The following TAF4B variants were observed in gnomAD, a reference collection of about 807,000 sequenced individuals.
TAF4B encodes the protein transcription initiation factor TFIID subunit 4B.
TAF4B carries 38 observed loss-of-function variants against 86.4 expected under a neutral mutation model. That is an observed-to-expected ratio of 0.44 (90% CI 0.34 to 0.58). The LOEUF (loss-of-function observed/expected upper bound fraction) is 0.58, where lower values mean the gene tolerates loss of function less well. Among genes scored for constraint, TAF4B ranks in the 20% least tolerant of loss-of-function variants. The pLI is 0.02. For synonymous variants in TAF4B, 388 were observed against 391.2 expected, an observed-to-expected ratio of 0.99 and a Z score of 0.10; for missense variants, 988 against 1,027.6, an observed-to-expected ratio of 0.96 and a Z score of 0.53.
chr18:26,301,376 TTC>T (rs996258695), intron 9 of TAF4B, among the ~76,000 whole-genome samples: 4 of 151,038 alleles, frequency 2.6e-5, no homozygotes, highest in African/African-American at 9.7e-5. Context: ...AGCCTTGAAC[TTC>T]TAGGCTCCAG....
At chr18:26,385,003 C>T (rs889892913) in intron 14 of TAF4B, among the ~76,000 whole-genome samples, 2 of 152,124 alleles carry the variant, frequency 1.3e-5, no homozygotes, top group Admixed American at 6.6e-5. Flanking sequence ...AGAACGTAGA[C>T]TAGCATGAAG....
chr18:26,286,429 A>G lies in TAF4B; in HGVS notation c.1520A>G (p.Lys507Arg), dbSNP rs774185026. 27 of 1,614,044 alleles carry G rather than the reference A, an allele frequency of 1.7e-5. No individual in the cohort carries two copies. Among genetic ancestry groups the G allele is most frequent in the South Asian group, 1.3e-4 (12 of 91,066 alleles). Residue 507 changes from lysine to arginine, a missense_variant, in exon 7 of 15, where the codon AAA (lysine) becomes AGA (arginine). Physicochemically the swap from Lys to Arg is conservative, Grantham distance 26. Coordinates refer to ENST00000269142, the MANE Select transcript of TAF4B (RefSeq NM_005640.3). ...KPVIGTPVQIKLAQPGPVLSQ... is the reference protein window; with the variant it reads ...KPVIGTPVQIRLAQPGPVLSQ... ...GTTATTGGGACTCCAGTTCAAATCAAACTTGCCCAGCCGGGCCCTGTCCTT... is the reference window on the plus strand; with the variant it reads ...GTTATTGGGACTCCAGTTCAAATCAGACTTGCCCAGCCGGGCCCTGTCCTT...
At chr18:26,377,042 G>A (rs910876047) in intron 14 of TAF4B, among the ~76,000 whole-genome samples, 3 of 151,912 alleles carry the variant, frequency 2.0e-5, no homozygotes, top group African/African-American at 7.3e-5. Context: ...GGTTATTGGT[G>A]TATAGCACTT....
intron 11 of TAF4B, among the ~76,000 whole-genome samples, chr18:26,324,953 A>G (rs1414942745): frequency 6.6e-6 from 1 of 152,176 alleles, no homozygotes; most frequent in African/African-American, 2.4e-5. Flanking sequence ...TTTTATCTGT[A>G]CAGTGTAGGA....
chr18:26,270,656 GTGAAT>G (rs2056301335), intron 3 of TAF4B, among the ~76,000 whole-genome samples: 1 of 152,178 alleles, frequency 6.6e-6, no homozygotes, highest in African/African-American at 2.4e-5. Context: ...CCTGGAGCCT[GTGAAT>G]TCAGGTGAAG....
At chr18:26,363,418 C>T (rs1013291842) in intron 14 of TAF4B, among the ~76,000 whole-genome samples, 5 of 147,522 alleles carry the variant, frequency 3.4e-5, no homozygotes, top group African/African-American at 1.3e-4. Flanking sequence ...TGGTGGTGTG[C>T]GCCTGTAGTT....
intron 1 of TAF4B, chr18:26,255,944 G>T: frequency 7.7e-7 from 1 of 1,306,886 alleles, no homozygotes; most frequent in South Asian, 1.2e-5. Context: ...CATCTGACTG[G>T]TTACTGTAAC....
chr18:26,270,847 A>G (rs1032974223), intron 3 of TAF4B, among the ~76,000 whole-genome samples: 6 of 47,590 alleles, frequency 1.3e-4, no homozygotes, highest in African/African-American at 2.1e-4. Flanking sequence ...GGAGTATTAC[A>G]TTGTGTTAGT....
chr18:26,315,804 C>T (rs915874163), intron 10 of TAF4B, among the ~76,000 whole-genome samples: 9 of 152,046 alleles, frequency 5.9e-5, no homozygotes, highest in Admixed American at 5.9e-4. Context: ...CTTTTCTTAA[C>T]CTTGAAGTTT....
At chr18:26,322,336 T>G (rs2056969537) in intron 11 of TAF4B, among the ~76,000 whole-genome samples, 2 of 152,120 alleles carry the variant, frequency 1.3e-5, no homozygotes, top group Non-Finnish European at 2.9e-5. Flanking sequence ...GGTCCTCACT[T>G]GCATAAATCT....
intron 14 of TAF4B, among the ~76,000 whole-genome samples, chr18:26,386,495 A>G (rs982342465): frequency 6.6e-6 from 1 of 152,208 alleles, no homozygotes; most frequent in African/African-American, 2.4e-5. Context: ...CACAGCATGA[A>G]CACATTCATG....
chr18:26,286,387 C>T lies in TAF4B; in HGVS notation c.1478C>T (p.Thr493Ile), dbSNP rs546724408. ...SVKPVVSSAG[T>I]TSDKPVIGTP... is the part of the protein sequence containing the mutation. Reference sequence around the variant, plus strand: ...AAACCTGTTGTTTCTTCTGCTGGGACCACATCTGACAAGCCTGTTATTGGG... The same window carrying T: ...AAACCTGTTGTTTCTTCTGCTGGGATCACATCTGACAAGCCTGTTATTGGG... Residue 493 changes from threonine to isoleucine, a missense_variant, in exon 7 of 15, where the codon ACC (threonine) becomes ATC (isoleucine). Transcript: ENST00000269142. 1.5e-5 allele frequency: 25 copies of T among 1,614,220 alleles called. No homozygotes were observed. In the South Asian group the frequency reaches 2.7e-4, roughly 18 times the overall value.
At chr18:26,346,885 A>ATGTATATGTGTGTG (rs2057200200) in intron 13 of TAF4B, among the ~76,000 whole-genome samples, 1 of 12,592 alleles carries the variant, frequency 7.9e-5, no homozygotes, top group Non-Finnish European at 1.9e-4. Flanking sequence ...GTGTATATAT[A>ATGTATATGTGTGTG]TATATATATA....
At chr18:26,383,676 T>C (rs1978304889) in intron 14 of TAF4B, among the ~76,000 whole-genome samples, 1 of 152,188 alleles carries the variant, frequency 6.6e-6, no homozygotes. Flanking sequence ...AGAGCTAGAA[T>C]TGTAACTTGA....
intron 2 of TAF4B, 136 bp downstream of exon 2, chr18:26,265,451 A>G (rs2144539729): frequency 1.0e-6 from 1 of 990,280 alleles, no homozygotes. Flanking sequence ...GCTTGCCTTG[A>G]ATATGTCAAT....
intron 1 of TAF4B, among the ~76,000 whole-genome samples, chr18:26,229,963 A>T: frequency 6.7e-6 from 1 of 150,176 alleles, no homozygotes; most frequent in Non-Finnish European, 1.5e-5. Context: ...TTTAAAAAAA[A>T]AATATATATA....
chr18:26,299,589 A>G (rs2056706940), intron 9 of TAF4B, among the ~76,000 whole-genome samples: 1 of 152,236 alleles, frequency 6.6e-6, no homozygotes, highest in Non-Finnish European at 1.5e-5. Context: ...GCTTTTGTGT[A>G]GAATTGTTAT....
At chr18:26,274,581 C>T (rs892519369) in intron 3 of TAF4B, 82 bp from the exon 4 acceptor site, 2 of 1,473,384 alleles carry the variant, frequency 1.4e-6, no homozygotes, top group Non-Finnish European at 1.9e-6. Context: ...TCAAAATTAA[C>T]TTGTCTGATG....
intron 14 of TAF4B, 150 bp from the exon 15 acceptor site, chr18:26,389,695 G>T: frequency 1.3e-6 from 1 of 752,724 alleles, no homozygotes; most frequent in South Asian, 2.1e-5. Context: ...ATTGGCTGCT[G>T]GAGGACAGGG....
Sources: allele counts gnomAD v4.1 joint callset (sites outside exome capture counted in the v4.1 genomes callset), GRCh38; gene constraint gnomAD v4.1.1; transcripts MANE v1.5; gene names NCBI Gene and HGNC (gene_info 2026-07-23, HGNC 2026-07-21).